The following CAPN14 variants were observed in gnomAD, a reference collection of about 807,000 sequenced individuals.
The protein encoded by CAPN14 is calpain-14.
In CAPN14, 94 loss-of-function variants were observed where a neutral mutation model predicts 101.3. The ratio of observed to expected loss-of-function variants is 0.93; its 90% CI spans 0.79 to 1.10. CAPN14 has a LOEUF of 1.10. CAPN14 is among the 50% of genes least tolerant of loss of function. The pLI is 0.00. For synonymous variants in CAPN14, 338 were observed against 317.9 expected (o/e 1.06, Z -0.67); for missense variants, 837 against 828.4 (o/e 1.01, Z -0.13).
intron 2 of CAPN14, 85 bp from the exon 3 acceptor site, chr2:31,203,224 A>G: frequency 9.8e-7 from 1 of 1,016,618 alleles, no homozygotes; most frequent in Non-Finnish European, 1.5e-6. Flanking sequence ...CCATACCCCA[A>G]AACTGTACTT....
rs764817023 is a variant in CAPN14 at position 31,194,394 on chromosome 2, C to G, written c.950+15G>C. The G allele has an allele frequency of 2.6e-6, 4 of 1,546,336 alleles. No homozygotes were observed. The South Asian group carries it at 4.8e-5, about 18-fold the overall frequency. On this transcript the variant is annotated intron_variant, in intron 9 of 21. Coordinates refer to ENST00000403897, the MANE Select transcript of CAPN14 (RefSeq NM_001145122.2). ...TGTAGGCCAGGACATTTGTCCAAGT[C>G]CCTAAGTCCAATACCAGAATTCTCC...
At chr2:31,213,196 T>C (rs747347292) in intron 1 of CAPN14, among the ~76,000 whole-genome samples, 32 of 152,212 alleles carry the variant, frequency 2.1e-4, no homozygotes, top group Non-Finnish European at 7.3e-5. Context: ...CATGTGCCCG[T>C]GTGCTGACTC....
intron 8 of CAPN14, among the ~76,000 whole-genome samples, chr2:31,195,648 T>A (rs1386529279): frequency 6.6e-6 from 1 of 152,202 alleles, no homozygotes; most frequent in Non-Finnish European, 1.5e-5. Flanking sequence ...AAAGACTTTA[T>A]TGAATACATG....
At chr2:31,203,787 G>A (rs552889888) in intron 2 of CAPN14, among the ~76,000 whole-genome samples, 3 of 152,272 alleles carry the variant, frequency 2.0e-5, no homozygotes, top group South Asian at 2.1e-4. Flanking sequence ...TGCAGGTATC[G>A]ATGGTGATGG....
At chr2:31,185,095 A>G (rs1365296366) in intron 16 of CAPN14, among the ~76,000 whole-genome samples, 1 of 152,202 alleles carries the variant, frequency 6.6e-6, no homozygotes, top group Non-Finnish European at 1.5e-5. Flanking sequence ...TATCTATTAT[A>G]TTAATGATTT....
In CAPN14 at chr2:31,217,442, C is replaced by T. The variant is rs1390977267; in HGVS notation, c.-53+14G>A. 6.6e-6 allele frequency: 1 copy of T among 152,178 alleles called. No individual in the cohort carries two copies. Among genetic ancestry groups the T allele is most frequent in the Non-Finnish European group, 1.5e-5 (1 of 68,034 alleles). 9.4% of individuals were successfully genotyped at this position (152,178 alleles called of 1,614,324 possible). A position where few individuals can be genotyped will look rare whatever the true frequency, so the allele number is the denominator to read the frequency against. On this transcript the variant is annotated intron_variant, in intron 1 of 21. Transcript: ENST00000403897. ...GGCTAACTTGGACCCACCCTTGGAA[C>T]TAAAGAAATTTACCTGCACAGGAGA...
intron 2 of CAPN14, among the ~76,000 whole-genome samples, chr2:31,224,001 G>A (rs1056736649): frequency 1.8e-4 from 27 of 152,208 alleles, no homozygotes; most frequent in African/African-American, 5.3e-4. Flanking sequence ...GAATCCCATC[G>A]TCATTTTTCG....
In CAPN14 at chr2:31,199,476, G is replaced by C. The variant is rs1443936377; in HGVS notation, c.783C>G (p.Ile261Met). The change falls in exon 7 of 22, where the codon ATC becomes ATG. Residue 261 changes from isoleucine to methionine, a missense_variant. Coordinates refer to ENST00000403897, the MANE Select transcript of CAPN14 (RefSeq NM_001145122.2). ...AGGGCCAACCTCAACCCACCTTCCT[G>C]ATTCCTGTGAGAGTATAGGCATGGC... ...VEGHAYTLTGIRKVTCKHRPE... is the reference protein window; with the variant it reads ...VEGHAYTLTGMRKVTCKHRPE... The C allele has an allele frequency of 8.4e-6, 13 of 1,551,384 alleles. No homozygotes were observed. The East Asian group carries it at 3.2e-4, about 38-fold the overall frequency.
intron 6 of CAPN14, 52 bp from the exon 7 acceptor site, chr2:31,199,584 C>A (rs1681647279): frequency 5.5e-6 from 8 of 1,467,446 alleles, no homozygotes; most frequent in Admixed American, 2.2e-5. Flanking sequence ...ACAGCTTATT[C>A]TTTGAGTCGT....
chr2:31,178,083 G>A (rs1190498606), intron 18 of CAPN14, among the ~76,000 whole-genome samples: 2 of 152,206 alleles, frequency 1.3e-5, no homozygotes, highest in Non-Finnish European at 2.9e-5. Context: ...GGGTAAATGT[G>A]CTTAGTGCAA....
chr2:31,227,276 T>C (rs1683051411), intron 1 of CAPN14, among the ~76,000 whole-genome samples: 1 of 152,206 alleles, frequency 6.6e-6, no homozygotes, highest in African/African-American at 2.4e-5. Context: ...GAAACTGACT[T>C]TCTGCCAAGG....
At chr2:31,212,331 A>G (rs1029067029) in intron 1 of CAPN14, among the ~76,000 whole-genome samples, 1 of 151,960 alleles carries the variant, frequency 6.6e-6, no homozygotes, top group African/African-American at 2.4e-5. Flanking sequence ...AAAAAAACAA[A>G]AAAAACACAA....
chr2:31,194,024 G>T (rs918978145), intron 9 of CAPN14, among the ~76,000 whole-genome samples: 7 of 152,170 alleles, frequency 4.6e-5, no homozygotes, highest in Non-Finnish European at 8.8e-5. Context: ...GTGTTACTCT[G>T]CTCTGGAGGG....
chr2:31,199,569 T>C, intron 6 of CAPN14, 37 bp from the exon 7 acceptor site: 5 of 1,512,864 alleles, frequency 3.3e-6, no homozygotes, highest in Non-Finnish European at 4.5e-6. Context: ...AGTCTTCTGT[T>C]ATGTACAGCT....
At chr2:31,193,094 C>G in intron 10 of CAPN14, 37 bp downstream of exon 10, 1 of 1,529,314 alleles carries the variant, frequency 6.5e-7, no homozygotes, top group Non-Finnish European at 8.8e-7. Flanking sequence ...CGCCCACAAC[C>G]TCACCCTGAG....
intron 1 of CAPN14, among the ~76,000 whole-genome samples, chr2:31,206,069 G>T (rs1299199080): frequency 2.4e-5 from 3 of 127,632 alleles, no homozygotes; most frequent in Admixed American, 9.3e-5. Flanking sequence ...GTCTCATTCT[G>T]TTGCCCAGGC....
chr2:31,223,623 G>C (rs1004328663), intron 2 of CAPN14, among the ~76,000 whole-genome samples: 9 of 149,022 alleles, frequency 6.0e-5, no homozygotes, highest in African/African-American at 2.3e-4. Context: ...CCGCCTCCTA[G>C]GTTCAAGCAA....
intron 19 of CAPN14, 74 bp downstream of exon 19, chr2:31,177,672 A>G (rs1680372927): frequency 9.2e-7 from 1 of 1,083,176 alleles, no homozygotes; most frequent in Non-Finnish European, 1.4e-6. Flanking sequence ...CATGCCACAC[A>G]TCCCCTCTCC....
chr2:31,233,448 G>T (rs538071482), intron 1 of CAPN14, among the ~76,000 whole-genome samples: 4 of 152,254 alleles, frequency 2.6e-5, no homozygotes, highest in African/African-American at 9.6e-5. Context: ...CAAAAGGAGT[G>T]ACTCCTCCCT....
Sources: gnomAD v4.1 joint callset for allele counts (sites outside exome capture counted in the v4.1 genomes callset) on GRCh38, gnomAD v4.1.1 for gene constraint, MANE v1.5 for transcripts, NCBI Gene and HGNC (gene_info 2026-07-23, HGNC 2026-07-21) for gene names.